PTPRT: variants seen among roughly 807,000 people sequenced by gnomAD.
PTPRT encodes receptor-type tyrosine-protein phosphatase T.
PTPRT carries 56 observed loss-of-function variants against 176.8 expected under a neutral mutation model. The observed-to-expected ratio is 0.32, with a 90% CI of 0.26 to 0.40. PTPRT has a LOEUF of 0.40. PTPRT is among the 10% of genes least tolerant of loss of function. The pLI, the probability that PTPRT is intolerant of heterozygous loss-of-function variation, is 1.00. For missense variants in PTPRT, 1,540 were observed against 1,908.2 expected (o/e 0.81, Z 3.60); for synonymous variants, 783 against 739.0 (o/e 1.06, Z -0.96).
At chr20:42,281,991 A>C (rs2147054561) in intron 13 of PTPRT, among the ~76,000 whole-genome samples, 1 of 152,250 alleles carries the variant, frequency 6.6e-6, no homozygotes, top group Admixed American at 6.5e-5. Context: ...TTTGGGGATA[A>C]GTGTTGAAAA....
At chr20:43,142,461 T>C (rs552880457) in intron 1 of PTPRT, among the ~76,000 whole-genome samples, 2 of 152,252 alleles carry the variant, frequency 1.3e-5, no homozygotes, top group South Asian at 4.2e-4. Flanking sequence ...GAAGAGTGAG[T>C]CCCAGGCATG....
At chr20:42,811,755 C>G (rs2077701208) in intron 2 of PTPRT, among the ~76,000 whole-genome samples, 1 of 152,156 alleles carries the variant, frequency 6.6e-6, no homozygotes, top group African/African-American at 2.4e-5. Flanking sequence ...CTGTAATTGT[C>G]TAAGTTGCTT....
chr20:42,810,504 T>C (rs1378596246), intron 2 of PTPRT, among the ~76,000 whole-genome samples: 2 of 152,168 alleles, frequency 1.3e-5, no homozygotes, highest in Admixed American at 6.5e-5. Context: ...TGGAGACTCC[T>C]AGTTCATGCA....
chr20:42,798,896 G>A (rs1015001766), intron 2 of PTPRT, among the ~76,000 whole-genome samples: 4 of 151,958 alleles, frequency 2.6e-5, no homozygotes, highest in Non-Finnish European at 4.4e-5. Flanking sequence ...CACTGGTGGA[G>A]AGGCTCTGCT....
chr20:42,898,283 C>T (rs2079339379), intron 1 of PTPRT, among the ~76,000 whole-genome samples: 1 of 152,180 alleles, frequency 6.6e-6, no homozygotes, highest in Non-Finnish European at 1.5e-5. Context: ...TCATAGCTCA[C>T]TTGAAGCCTG....
At chr20:43,111,400 C>T (rs1481556674) in intron 1 of PTPRT, among the ~76,000 whole-genome samples, 4 of 151,806 alleles carry the variant, frequency 2.6e-5, no homozygotes, top group Non-Finnish European at 5.9e-5. Flanking sequence ...AAAAATTAGC[C>T]GGGCGTGGTG....
rs768295961 is a variant in PTPRT at position 42,309,234 on chromosome 20, G to A, written c.2139+6489C>T. ...TGCCACACTTGTTTTGCATCCAACC[G>A]TTAATTATGGTCCTTTCAACTTCAC... On this transcript the variant is annotated intron_variant, in intron 12 of 30. Transcript: ENST00000373187. Among the ~76,000 whole-genome samples the A allele has an allele frequency of 2.3e-4, 35 of 152,302 alleles. 1 individual carries two copies. The highest frequency in any genetic ancestry group is 7.0e-4 in the African/African-American group (29 of 41,564).
chr20:42,727,295 A>G (rs989157027), intron 6 of PTPRT, among the ~76,000 whole-genome samples: 1 of 152,180 alleles, frequency 6.6e-6, no homozygotes, highest in Admixed American at 6.5e-5. Context: ...GTTACTTGAC[A>G]TCTTTCGGTG....
intron 17 of PTPRT, among the ~76,000 whole-genome samples, chr20:42,154,910 A>G (rs900849083): frequency 3.9e-5 from 6 of 152,164 alleles, no homozygotes; most frequent in African/African-American, 1.4e-4. Flanking sequence ...TCAGAATCAC[A>G]TGCTCTTGAC....
chr20:43,150,566 C>T (rs112505049), intron 1 of PTPRT, among the ~76,000 whole-genome samples: 7,269 of 152,184 alleles, frequency 0.048, 199 homozygotes, highest in African/African-American at 0.056. Flanking sequence ...AAGTGATTCT[C>T]GTGCTTCAGC....
intron 2 of PTPRT, among the ~76,000 whole-genome samples, chr20:42,832,457 G>A (rs190249208): frequency 1.3e-5 from 2 of 151,710 alleles, no homozygotes; most frequent in Non-Finnish European, 1.5e-5. Context: ...CCCACAACAC[G>A]AATCTTCCTA....
intron 6 of PTPRT, among the ~76,000 whole-genome samples, chr20:42,754,927 C>A (rs1040054891): frequency 1.3e-5 from 2 of 152,126 alleles, no homozygotes; most frequent in African/African-American, 4.8e-5. Flanking sequence ...CCAGGCACTG[C>A]GCTGAGTGCA....
chr20:42,040,901 G>T, the PTPRT span, among the ~76,000 whole-genome samples: 1 of 152,114 alleles, frequency 6.6e-6, no homozygotes, highest in East Asian at 1.9e-4. Flanking sequence ...CTTTGGGCCT[G>T]GAGTCACCTG....
At chr20:42,305,078 T>C (rs1372911626) in intron 12 of PTPRT, among the ~76,000 whole-genome samples, 1 of 152,160 alleles carries the variant, frequency 6.6e-6, no homozygotes, top group Non-Finnish European at 1.5e-5. Flanking sequence ...TAGGGCCTGG[T>C]GCAGTGGCTC....
intron 11 of PTPRT, among the ~76,000 whole-genome samples, chr20:42,337,288 T>A (rs1168529771): frequency 4.6e-5 from 7 of 152,194 alleles, no homozygotes; most frequent in Non-Finnish European, 8.8e-5. Flanking sequence ...GAGCTATTGA[T>A]GAAAATTATA....
At chr20:43,054,300 T>C (rs1987152202) in intron 1 of PTPRT, among the ~76,000 whole-genome samples, 1 of 152,150 alleles carries the variant, frequency 6.6e-6, no homozygotes, top group South Asian at 2.1e-4. Context: ...ACACCTGTAA[T>C]CCCAGCACTT....
intron 2 of PTPRT, among the ~76,000 whole-genome samples, chr20:42,877,106 A>C (rs896046393): frequency 6.6e-6 from 1 of 152,162 alleles, no homozygotes; most frequent in South Asian, 2.1e-4. Context: ...AATATTGAGA[A>C]GCTCATAATG....
At chr20:42,814,062 A>G (rs892669172) in intron 2 of PTPRT, among the ~76,000 whole-genome samples, 1 of 152,140 alleles carries the variant, frequency 6.6e-6, no homozygotes, top group Non-Finnish European at 1.5e-5. Flanking sequence ...GATTTTCTCT[A>G]GATGTTTGGT....
intron 16 of PTPRT, among the ~76,000 whole-genome samples, chr20:42,168,933 G>C (rs924453215): frequency 6.6e-6 from 1 of 152,164 alleles, no homozygotes; most frequent in Non-Finnish European, 1.5e-5. Context: ...CAAACACATA[G>C]TAGGGTTGAA....
Sources: gnomAD v4.1 joint callset for allele counts (sites outside exome capture counted in the v4.1 genomes callset) on GRCh38, gnomAD v4.1.1 for gene constraint, MANE v1.5 for transcripts, NCBI Gene and HGNC (gene_info 2026-07-23, HGNC 2026-07-21) for gene names.